GTPBP10: variants seen among roughly 807,000 people sequenced by gnomAD.
GTPBP10 encodes the protein GTP binding protein 10, also known as GTP-binding protein 10.
In GTPBP10, 38 loss-of-function variants were observed where a neutral mutation model predicts 44.8. The observed-to-expected ratio is 0.85, with a 90% CI of 0.65 to 1.11. The LOEUF (loss-of-function observed/expected upper bound fraction) is 1.11, where lower values mean the gene tolerates loss of function less well. Ranked by LOEUF, GTPBP10 falls within the 50% of genes most tolerant of loss-of-function variation. The pLI is 0.00. For missense variants in GTPBP10, 462 were observed against 453.7 expected, an observed-to-expected ratio of 1.02 and a Z score of -0.17; for synonymous variants, 152 against 150.6, an observed-to-expected ratio of 1.01 and a Z score of -0.07.
At chr7:90,347,336 G>T (rs1335166420) in intron 1 of GTPBP10, among the ~76,000 whole-genome samples, 3 of 151,826 alleles carry the variant, frequency 2.0e-5, no homozygotes, top group Non-Finnish European at 4.4e-5. Context: ...GTCATATTTG[G>T]CCATTACTTT....
chr7:90,364,775 C>G (rs148945097), intron 4 of GTPBP10, among the ~76,000 whole-genome samples: 6 of 152,306 alleles, frequency 3.9e-5, no homozygotes, highest in African/African-American at 1.4e-4. Context: ...TGGACTCCAC[C>G]TAGTTTGAGC....
In GTPBP10 at chr7:90,386,203, T is replaced by C. The variant is rs1444531765; in HGVS notation, c.*1049T>C. 3 of 152,226 alleles carry C rather than the reference T, an allele frequency of 2.0e-5. No individual in the cohort carries two copies. The highest frequency in any genetic ancestry group is 4.4e-5 in the Non-Finnish European group (3 of 68,042). 9.4% of individuals were successfully genotyped at this position (152,226 alleles called of 1,614,324 possible). A position where few individuals can be genotyped will look rare whatever the true frequency, so the allele number is the denominator to read the frequency against. On this transcript the variant is annotated 3_prime_UTR_variant, in exon 10 of 10. Transcript: ENST00000222511. ...TATGTGGAAGGATTCTCTAGATTAT[T>C]ATTAGAATGAGCAATTCAGTTTTGT...
intron 4 of GTPBP10, among the ~76,000 whole-genome samples, chr7:90,371,005 CAATAGATA>C (rs1265325088): frequency 2.2e-5 from 2 of 89,952 alleles, no homozygotes; most frequent in Admixed American, 2.8e-4. Context: ...GACTCCATCT[CAATAGATA>C]AATAAATAAA....
intron 4 of GTPBP10, among the ~76,000 whole-genome samples, chr7:90,356,907 CTG>C (rs1256721509): frequency 6.6e-6 from 1 of 152,076 alleles, no homozygotes; most frequent in African/African-American, 2.4e-5. Context: ...TGAAATTTGT[CTG>C]TAATTAAAGC....
intron 1 of GTPBP10, among the ~76,000 whole-genome samples, chr7:90,349,493 C>T (rs1411521766): frequency 6.6e-6 from 1 of 152,142 alleles, no homozygotes; most frequent in Non-Finnish European, 1.5e-5. Flanking sequence ...TACTTCCTGA[C>T]TTCAGGGAGA....
rs528275489 is a variant in GTPBP10, at chr7:90,388,482, A to G, written c.*3328A>G. On this transcript the variant is annotated 3_prime_UTR_variant, in exon 10 of 10. Coordinates refer to ENST00000222511, the MANE Select transcript of GTPBP10 (RefSeq NM_033107.4). ...GAAATATGTTTATACAGTATTAAGT[A>G]TATTGTACTATGAAGTTGGACCTGC... is the stretch of plus-strand genomic sequence containing the variant. The G allele has an allele frequency of 6.6e-5, 10 of 152,140 alleles. No homozygotes were observed. The highest frequency in any genetic ancestry group is 1.3e-4 in the Non-Finnish European group (9 of 68,002). 9.4% of individuals were successfully genotyped at this position (152,140 alleles called of 1,614,324 possible). A position where few individuals can be genotyped will look rare whatever the true frequency, so the allele number is the denominator to read the frequency against.
intron 1 of GTPBP10, among the ~76,000 whole-genome samples, chr7:90,348,097 GC>G (rs751166526): frequency 3.6e-4 from 55 of 152,140 alleles, no homozygotes; most frequent in Non-Finnish European, 6.6e-4. Context: ...TGTAGTCCCA[GC>G]CATTTGGGAG....
intron 4 of GTPBP10, among the ~76,000 whole-genome samples, chr7:90,370,033 G>T (rs559695057): frequency 5.3e-5 from 8 of 152,260 alleles, no homozygotes; most frequent in African/African-American, 1.7e-4. Context: ...GGGCAGTGAG[G>T]GATGCAAAAC....
At chr7:90,355,016 A>G in intron 3 of GTPBP10, 70 bp from the exon 4 acceptor site, 1 of 964,626 alleles carries the variant, frequency 1.0e-6, no homozygotes. Flanking sequence ...GTATTTCTGA[A>G]AGAAATATAT....
Position 90,385,335 on chromosome 7 carries a change from G to C in GTPBP10, c.*181G>C. On this transcript the variant is annotated 3_prime_UTR_variant, in exon 10 of 10. Coordinates refer to ENST00000222511, the MANE Select transcript of GTPBP10 (RefSeq NM_033107.4). ...CATAGAAGGAGAGAATAGAATGGTG[G>C]TTATCAAGGGCTGGTGGGGCAGTGG... 1 of 481,036 alleles carries C rather than the reference G, an allele frequency of 2.1e-6. No individual in the cohort carries two copies. Among genetic ancestry groups the C allele is most frequent in the African/African-American group, 2.0e-5 (1 of 50,422 alleles). 29.8% of individuals were successfully genotyped at this position (481,036 alleles called of 1,614,324 possible).
intron 3 of GTPBP10, 40 bp from the exon 4 acceptor site, chr7:90,355,046 A>T (rs776672019): frequency 1.3e-5 from 17 of 1,332,402 alleles, no homozygotes; most frequent in Non-Finnish European, 1.6e-5. Context: ...GATTTCACTT[A>T]TTAATCTTTG....
intron 8 of GTPBP10, among the ~76,000 whole-genome samples, chr7:90,378,609 G>A (rs1796385066): frequency 6.6e-6 from 1 of 151,962 alleles, no homozygotes; most frequent in South Asian, 2.1e-4. Context: ...TCAGAGTTCT[G>A]TCCTAACCTT....
At chr7:90,349,625 A>T (rs1795749485) in intron 1 of GTPBP10, among the ~76,000 whole-genome samples, 1 of 152,200 alleles carries the variant, frequency 6.6e-6, no homozygotes, top group South Asian at 2.1e-4. Context: ...AGCTTTATAG[A>T]TAAGGACAGT....
chr7:90,348,631 G>T (rs147554486), intron 1 of GTPBP10, among the ~76,000 whole-genome samples: 1 of 152,018 alleles, frequency 6.6e-6, no homozygotes, highest in Non-Finnish European at 1.5e-5. Flanking sequence ...GAGGCAGAAG[G>T]GGTGGGGGTG....
intron 9 of GTPBP10, among the ~76,000 whole-genome samples, chr7:90,384,417 A>G (rs951573907): frequency 2.0e-5 from 3 of 152,304 alleles, no homozygotes; most frequent in African/African-American, 4.8e-5. Context: ...TGAATTCTCT[A>G]TAATCCCTCT....
intron 1 of GTPBP10, among the ~76,000 whole-genome samples, chr7:90,350,515 A>G (rs1795770549): frequency 6.6e-6 from 1 of 152,196 alleles, no homozygotes. Context: ...AAAATTATCA[A>G]ATCATCCTTT....
In GTPBP10 at chr7:90,384,936, G is replaced by A. The variant is rs745997084; in HGVS notation, c.946G>A (p.Val316Ile). ...FEKNMIPERT[V>I]EFQHIIPISA... is the part of the protein sequence containing the mutation. ...AAAAAACATGATTCCAGAGAGGACTGTAGAGTTCCAACATATCATCCCCAT... is the reference window on the plus strand; with the variant it reads ...AAAAAACATGATTCCAGAGAGGACTATAGAGTTCCAACATATCATCCCCAT... The change falls in exon 10 of 10, where the codon GTA becomes ATA. Residue 316 changes from valine (V) to isoleucine (I), a missense_variant. Coordinates refer to ENST00000222511, the MANE Select transcript of GTPBP10 (RefSeq NM_033107.4). The A allele has an allele frequency of 1.6e-5, 25 of 1,612,254 alleles. No individual in the cohort carries two copies. In the South Asian group the frequency reaches 2.5e-4, roughly 16 times the overall value.
intron 6 of GTPBP10, among the ~76,000 whole-genome samples, chr7:90,376,810 G>A (rs1438445088): frequency 6.6e-6 from 1 of 152,188 alleles, no homozygotes; most frequent in Non-Finnish European, 1.5e-5. Context: ...ATACAGAGCT[G>A]TACCTGGTAA....
intron 4 of GTPBP10, among the ~76,000 whole-genome samples, chr7:90,355,960 C>T (rs1327332949): frequency 6.6e-6 from 1 of 151,022 alleles, no homozygotes; most frequent in Non-Finnish European, 1.5e-5. Context: ...CTCCCCCATC[C>T]CCCCTCCCTC....
Sources: gnomAD v4.1 joint callset for allele counts (sites outside exome capture counted in the v4.1 genomes callset) on GRCh38, gnomAD v4.1.1 for gene constraint, MANE v1.5 for transcripts, NCBI Gene and HGNC (gene_info 2026-07-23, HGNC 2026-07-21) for gene names.